MORC1: variants seen among roughly 807,000 people sequenced by gnomAD.
The protein encoded by MORC1 is MORC family CW-type zinc finger 1.
Under a neutral mutation model 134.9 loss-of-function variants are expected in MORC1, and 59 were observed. The ratio of observed to expected loss-of-function variants is 0.44; its 90% CI spans 0.35 to 0.54. The LOEUF (loss-of-function observed/expected upper bound fraction) is 0.54, where lower values mean the gene tolerates loss of function less well. Ranked by LOEUF, MORC1 falls within the 20% of genes least tolerant of loss-of-function variation. MORC1 has a pLI of 0.00. For missense variants in MORC1, 947 were observed against 1,134.5 expected, an observed-to-expected ratio of 0.83 and a Z score of 2.37; for synonymous variants, 395 against 391.7, an observed-to-expected ratio of 1.01 and a Z score of -0.10.
intron 17 of MORC1, among the ~76,000 whole-genome samples, chr3:109,018,526 G>A (rs1948873540): frequency 6.6e-6 from 1 of 151,950 alleles, no homozygotes; most frequent in Non-Finnish European, 1.5e-5. Flanking sequence ...ACAACTCAGG[G>A]CCCTTCCCAA....
chr3:109,105,080 T>C (rs949627905), intron 3 of MORC1, among the ~76,000 whole-genome samples: 2 of 152,106 alleles, frequency 1.3e-5, no homozygotes, highest in African/African-American at 4.8e-5. Context: ...AGTCAACTTC[T>C]CTGTTCAAAA....
chr3:109,004,252 T>C (rs1377577436), intron 20 of MORC1, among the ~76,000 whole-genome samples: 1 of 152,226 alleles, frequency 6.6e-6, no homozygotes, highest in Admixed American at 6.5e-5. Context: ...TAGCAGTTCA[T>C]TTGAATATTT....
At chr3:109,043,199 G>T (rs1057394585) in intron 14 of MORC1, among the ~76,000 whole-genome samples, 2,486 of 127,052 alleles carry the variant, frequency 0.02, 152 homozygotes, top group African/African-American at 0.066. Flanking sequence ...GGGGGGGGGG[G>T]GGTGTGTATA....
chr3:109,011,462 CT>C (rs1354338956), intron 17 of MORC1, among the ~76,000 whole-genome samples: 1 of 151,526 alleles, frequency 6.6e-6, no homozygotes, highest in African/African-American at 2.4e-5. Context: ...GATTAAGTAC[CT>C]GCTTAAATGT....
intron 21 of MORC1, among the ~76,000 whole-genome samples, chr3:108,997,438 G>T (rs1218714773): frequency 1.3e-4 from 20 of 152,078 alleles, no homozygotes; most frequent in Admixed American, 1.3e-3. Context: ...TGAGGCAAGA[G>T]AATCGCTTAC....
chr3:108,971,320 A>G lies in MORC1; in HGVS notation c.2550+10T>C, dbSNP rs6437809. 2 of 1,611,982 alleles carry G rather than the reference A, an allele frequency of 1.2e-6. No individual in the cohort carries two copies. The highest frequency in any genetic ancestry group is 8.5e-7 in the Non-Finnish European group (1 of 1,178,700). On this transcript the variant is annotated intron_variant, in intron 25 of 27. Transcript: ENST00000232603. Reference sequence around the variant, plus strand: ...TCATTCCCTCACAGTTCCAAAAAAAACCAGCTTACCTCACAACTTAATGCA... The same window carrying G: ...TCATTCCCTCACAGTTCCAAAAAAAGCCAGCTTACCTCACAACTTAATGCA...
chr3:108,972,696 G>A (rs1406039022), intron 24 of MORC1, among the ~76,000 whole-genome samples: 1 of 152,190 alleles, frequency 6.6e-6, no homozygotes, highest in Non-Finnish European at 1.5e-5. Flanking sequence ...CACTACGGCC[G>A]TTTTGTTGGA....
chr3:109,063,065 G>C, intron 10 of MORC1, 87 bp downstream of exon 10: 1 of 969,680 alleles, frequency 1.0e-6, no homozygotes, highest in Non-Finnish European at 1.6e-6. Context: ...ACAATGCCTA[G>C]AGCAATGTAT....
chr3:109,076,251 A>C (rs1950418031), intron 8 of MORC1, among the ~76,000 whole-genome samples: 1 of 152,260 alleles, frequency 6.6e-6, no homozygotes, highest in Non-Finnish European at 1.5e-5. Flanking sequence ...ACTGGTCATT[A>C]GAGAAATGCA....
At chr3:108,976,854 G>T (rs905846068) in intron 24 of MORC1, among the ~76,000 whole-genome samples, 11 of 152,148 alleles carry the variant, frequency 7.2e-5, no homozygotes, top group Admixed American at 5.9e-4. Context: ...CCTAATGATA[G>T]AAGTGGATGC....
rs1028961064 is a variant in MORC1 at position 109,035,607 on chromosome 3, T to C, written c.1331-139A>G. ...CATATACAGAAATAAGAGATTAAAA[T>C]ATCAATATTGGTTGTCTCTGAATAG... On this transcript the variant is annotated intron_variant, in intron 14 of 27. Transcript: ENST00000232603. The C allele has an allele frequency of 9.2e-5, 46 of 497,376 alleles. 1 individual carries two copies. Among genetic ancestry groups the C allele is most frequent in the African/African-American group, 9.0e-4 (45 of 49,798 alleles). 30.8% of individuals were successfully genotyped at this position (497,376 alleles called of 1,614,324 possible). A position where few individuals can be genotyped will look rare whatever the true frequency, so the allele number is the denominator to read the frequency against.
At chr3:109,077,095 G>T (rs190145138) in intron 8 of MORC1, among the ~76,000 whole-genome samples, 1 of 151,784 alleles carries the variant, frequency 6.6e-6, no homozygotes, top group Admixed American at 6.6e-5. Context: ...ATGTATTCAA[G>T]AAGTCAAAGA....
intron 2 of MORC1, among the ~76,000 whole-genome samples, chr3:109,112,791 G>A (rs1249023278): frequency 6.6e-6 from 1 of 152,070 alleles, no homozygotes; most frequent in East Asian, 1.9e-4. Flanking sequence ...TAAACACTGT[G>A]CAAACTTTCA....
At chr3:109,098,062 G>A (rs1372642096) in intron 6 of MORC1, among the ~76,000 whole-genome samples, 2 of 152,018 alleles carry the variant, frequency 1.3e-5, no homozygotes, top group Non-Finnish European at 2.9e-5. Context: ...CAAAAGAACA[G>A]GCCATTTATT....
intron 4 of MORC1, 145 bp downstream of exon 4, chr3:109,103,704 C>A (rs972248638): frequency 1.6e-6 from 1 of 635,852 alleles, no homozygotes. Flanking sequence ...ATACTTAAAC[C>A]TAAAAAGTTC....
chr3:108,969,083 A>C (rs1462839150), intron 26 of MORC1, among the ~76,000 whole-genome samples: 1 of 152,184 alleles, frequency 6.6e-6, no homozygotes, highest in Non-Finnish European at 1.5e-5. Flanking sequence ...AGGACTAGAT[A>C]CACAGCATTA....
intron 26 of MORC1, among the ~76,000 whole-genome samples, chr3:108,968,306 C>G (rs868177199): frequency 4.6e-5 from 7 of 152,194 alleles, no homozygotes; most frequent in Admixed American, 3.9e-4. Flanking sequence ...TACACCTCCC[C>G]TTTTATTTCC....
rs564703601 is a variant in MORC1, at chr3:109,113,634, A to G, written c.119+750T>C. Among the ~76,000 whole-genome samples, 21 of 152,316 alleles carry G rather than the reference A, an allele frequency of 1.4e-4. 1 individual carries two copies. Among genetic ancestry groups the G allele is most frequent in the Middle Eastern group, 6.8e-3 (2 of 294 alleles). On this transcript the variant is annotated intron_variant, in intron 2 of 27. Coordinates refer to ENST00000232603, the MANE Select transcript of MORC1 (RefSeq NM_014429.4). ...AAATCTTCTGTTATGGGGAATACCA[A>G]TATAAAACACGTCAAATGCTTTATT...
At chr3:109,038,222 T>A (rs1559910817) in intron 14 of MORC1, among the ~76,000 whole-genome samples, 1 of 152,238 alleles carries the variant, frequency 6.6e-6, no homozygotes, top group Non-Finnish European at 1.5e-5. Flanking sequence ...CATTTGTCTG[T>A]TGTCTGCATA....
Sources: gnomAD v4.1 joint callset for allele counts (sites outside exome capture counted in the v4.1 genomes callset) on GRCh38, gnomAD v4.1.1 for gene constraint, MANE v1.5 for transcripts, NCBI Gene and HGNC (gene_info 2026-07-23, HGNC 2026-07-21) for gene names.